Variants in CD59 observed in about 807,000 individuals in gnomAD.
The protein encoded by CD59 is CD59 glycoprotein.
CD59 carries 3 observed loss-of-function variants against 7.0 expected under a neutral mutation model. That is an observed-to-expected ratio of 0.43 (90% CI 0.19 to 1.10). CD59 has a LOEUF of 1.10. Among genes scored for constraint, CD59 ranks in the 50% least tolerant of loss-of-function variants. The probability of loss-of-function intolerance (pLI) is 0.29; values close to 1 mark genes in which losing one functional copy is unlikely to be tolerated. For synonymous variants in CD59, 60 were observed against 62.0 expected (o/e 0.97, Z 0.15); for missense variants, 143 against 151.0 (o/e 0.95, Z 0.28).
chr11:33,735,335 T>C (rs565667060), intron 1 of CD59, among the ~76,000 whole-genome samples: 2 of 152,372 alleles, frequency 1.3e-5, no homozygotes, highest in African/African-American at 4.8e-5. Flanking sequence ...CATCAAGTGC[T>C]GTTAAATACT....
chr11:33,736,397 A>G lies in CD59; in HGVS notation c.-34T>C, dbSNP rs1465956205. 6.6e-6 allele frequency: 1 copy of G among 152,380 alleles called. No homozygotes were observed. The highest frequency in any genetic ancestry group is 1.5e-5 in the Non-Finnish European group (1 of 68,232). The allele number at this position is 152,380 out of a possible 1,614,324, so 9.4% of individuals were successfully genotyped here. ...GCCTTCTTACCTGGCGGCGCCCAAG[A>G]TCCTCTTCCAGCCTCGAGCCGCTTC... On this transcript the variant is annotated 5_prime_UTR_variant, in exon 1 of 4. Transcript: ENST00000642928. The surrounding 1 kb of genome is among the most constrained non-coding windows in gnomAD (Gnocchi z 4.4).
intron 3 of CD59, among the ~76,000 whole-genome samples, chr11:33,714,982 C>T (rs1853723780): frequency 6.8e-6 from 1 of 146,268 alleles, no homozygotes; most frequent in African/African-American, 2.5e-5. Flanking sequence ...CTTGTTCTGT[C>T]ACCCAGGCTA....
Position 33,710,262 on chromosome 11 carries a change from A to T in CD59, c.251T>A (p.Leu84Gln), listed in dbSNP as rs1853483590. 6.2e-7 allele frequency: 1 copy of T among 1,614,196 alleles called. No homozygotes were observed. Among genetic ancestry groups the T allele is most frequent in the Non-Finnish European group, 8.5e-7 (1 of 1,180,024 alleles). ...DVTTRLRENELTYYCCKKDLC... is the reference protein window; with the variant it reads ...DVTTRLRENEQTYYCCKKDLC... ...GTCCTTCTTGCAGCAGTAGTACGTTAGCTCATTTTCCCTCAAGCGGGTTGT... is the reference window on the plus strand; with the variant it reads ...GTCCTTCTTGCAGCAGTAGTACGTTTGCTCATTTTCCCTCAAGCGGGTTGT... The change falls in exon 4 of 4, where the codon CTA becomes CAA. Residue 84 changes from leucine (L) to glutamine (Q), a missense_variant. Physicochemically the swap from Leu to Gln is moderately radical, Grantham distance 113. Transcript: ENST00000642928.
At position 33,736,423 on chromosome 11, in the gene CD59, T is replaced by A. The variant is rs1425812322; in HGVS notation, c.-60A>T. The stretch of plus-strand genomic sequence containing the variant: ...TCCTCTTCCAGCCTCGAGCCGCTTC[T>A]GCGCTCAGCCCCCGCATTCTTTCGC... On this transcript the variant is annotated 5_prime_UTR_variant, in exon 1 of 4. Transcript: ENST00000642928. This position sits in a 1 kb window ranked among gnomAD's most constrained non-coding sequence, Gnocchi z 4.4. The A allele has an allele frequency of 2.0e-5, 3 of 152,556 alleles. No individual in the cohort carries two copies. Among genetic ancestry groups the A allele is most frequent in the Admixed American group, 1.3e-4 (2 of 15,288 alleles). The allele number at this position is 152,556 out of a possible 1,614,324, so 9.5% of individuals were successfully genotyped here. A position where few individuals can be genotyped will look rare whatever the true frequency, so the allele number is the denominator to read the frequency against.
intron 3 of CD59, among the ~76,000 whole-genome samples, chr11:33,715,185 G>A (rs1410092693): frequency 6.6e-6 from 1 of 151,782 alleles, no homozygotes; most frequent in Non-Finnish European, 1.5e-5. Context: ...ATTATATACT[G>A]TATATAATTA....
In CD59 at chr11:33,728,988, A is replaced by AT. The variant is rs1456524438; in HGVS notation, c.-18-6526dup. On this transcript the variant is annotated intron_variant, in intron 1 of 3. Coordinates refer to ENST00000642928, the MANE Select transcript of CD59 (RefSeq NM_000611.6). ...GAGATACCATCTCACACCAGTTAGA[A>AT]TGGCGATCATTAAAAAGTCAGGAAA... 2.6e-5 allele frequency among the ~76,000 whole-genome samples: 4 copies of AT among 152,024 alleles called. No individual in the cohort carries two copies. In the East Asian group the frequency reaches 7.8e-4, roughly 29 times the overall value.
chr11:33,720,282 G>A (rs1442504757), intron 2 of CD59, among the ~76,000 whole-genome samples: 2 of 152,212 alleles, frequency 1.3e-5, no homozygotes, highest in East Asian at 1.9e-4. Context: ...CTAAGTGACC[G>A]AGCTGAGCTC....
At chr11:33,735,648 T>C (rs1010392011) in intron 1 of CD59, among the ~76,000 whole-genome samples, 20 of 152,090 alleles carry the variant, frequency 1.3e-4, no homozygotes, top group Admixed American at 1.3e-3. Flanking sequence ...CCGGGCGCGG[T>C]GGCTCACACC....
chr11:33,720,004 A>G (rs923463069), intron 2 of CD59, among the ~76,000 whole-genome samples: 1 of 152,226 alleles, frequency 6.6e-6, no homozygotes, highest in Non-Finnish European at 1.5e-5. Context: ...TTACCTGTAG[A>G]CATGGATTTT....
At chr11:33,716,238 G>GT (rs1554940604) in intron 3 of CD59, among the ~76,000 whole-genome samples, 2 of 152,108 alleles carry the variant, frequency 1.3e-5, no homozygotes, top group Non-Finnish European at 1.5e-5. Flanking sequence ...AGATGCCCCT[G>GT]TTTTTTTAGA....
In CD59 at chr11:33,705,436, G is replaced by A. The variant is rs1271455055; in HGVS notation, c.*4690C>T. 1 of 152,230 alleles carries A rather than the reference G, an allele frequency of 6.6e-6. No homozygotes were observed. Among genetic ancestry groups the A allele is most frequent in the Middle Eastern group, 3.2e-3 (1 of 316 alleles). The allele number at this position is 152,230 out of a possible 1,614,324, so 9.4% of individuals were successfully genotyped here. On this transcript the variant is annotated 3_prime_UTR_variant, in exon 4 of 4. Transcript: ENST00000642928. ...GTAGCCTCTTTGGTATGGCCACTAT[G>A]GTGGTAGACACTGTCTACCTTGTTT...
chr11:33,722,451 T>C lies in CD59; in HGVS notation c.-6A>G, dbSNP rs778710215. ...GACCCTCCTTGGATTCCCATTGTGA[T>C]TGTCCACAGAACCTGGAAGGAAGGG... On this transcript the variant is annotated 5_prime_UTR_variant, in exon 2 of 4. Transcript: ENST00000642928. 1.1e-5 allele frequency: 17 copies of C among 1,613,926 alleles called. No homozygotes were observed. Among genetic ancestry groups the C allele is most frequent in the African/African-American group, 1.3e-5 (1 of 75,038 alleles).
chr11:33,719,333 C>T (rs1012625496), intron 2 of CD59: 2 of 152,158 alleles, frequency 1.3e-5, no homozygotes, highest in African/African-American at 4.8e-5. Context: ...AAAACAACAA[C>T]AAACTAGGCC....
At chr11:33,724,272 C>A (rs143180964) in intron 1 of CD59, among the ~76,000 whole-genome samples, 1 of 152,360 alleles carries the variant, frequency 6.6e-6, no homozygotes, top group African/African-American at 2.4e-5. Flanking sequence ...ACATAAATCA[C>A]ACTGCCACAA....
intron 1 of CD59, among the ~76,000 whole-genome samples, chr11:33,726,839 GA>G (rs2133566851): frequency 6.6e-6 from 1 of 152,216 alleles, no homozygotes; most frequent in African/African-American, 2.4e-5. Context: ...TGATAAAGGG[GA>G]TATCACTACC....
intron 3 of CD59, among the ~76,000 whole-genome samples, chr11:33,715,271 T>C (rs1335051930): frequency 6.6e-6 from 1 of 152,196 alleles, no homozygotes; most frequent in Non-Finnish European, 1.5e-5. Context: ...CCACAGTAGC[T>C]ATACTGGTTT....
intron 1 of CD59, among the ~76,000 whole-genome samples, chr11:33,734,495 AGT>A (rs1430614864): frequency 6.6e-6 from 1 of 152,050 alleles, no homozygotes; most frequent in Non-Finnish European, 1.5e-5. Context: ...GACAGGCGCC[AGT>A]GTGTGTTGTT....
chr11:33,734,229 AAG>A (rs1854499968), intron 1 of CD59, among the ~76,000 whole-genome samples: 2 of 152,238 alleles, frequency 1.3e-5, no homozygotes, highest in South Asian at 2.1e-4. Context: ...GGAAGAGACA[AAG>A]AGAAAACAAC....
At chr11:33,712,586 T>C (rs2133530777) in intron 3 of CD59, among the ~76,000 whole-genome samples, 1 of 152,208 alleles carries the variant, frequency 6.6e-6, no homozygotes, top group Admixed American at 6.5e-5. Flanking sequence ...GAGAGCCAAA[T>C]CTATGAAGAC....
Sources: allele counts gnomAD v4.1 joint callset (sites outside exome capture counted in the v4.1 genomes callset), GRCh38; gene constraint gnomAD v4.1.1; non-coding constraint Gnocchi (gnomAD v3.1); transcripts MANE v1.5; gene names NCBI Gene and HGNC (gene_info 2026-07-23, HGNC 2026-07-21).